Variants in AFP observed in about 807,000 individuals in gnomAD.
The protein encoded by AFP is alpha fetoprotein, also known as alpha-fetoprotein.
A neutral mutation model predicts 78.9 loss-of-function variants in AFP; 64 were observed. The observed-to-expected ratio is 0.81, with a 90% confidence interval of 0.66 to 1.00. The LOEUF (loss-of-function observed/expected upper bound fraction) is 1.00. AFP is among the 50% of genes least tolerant of loss of function. The pLI is 0.00. For missense variants in AFP, 689 were observed against 703.8 expected (o/e 0.98, Z 0.24); for synonymous variants, 254 against 243.8 (o/e 1.04, Z -0.39).
chr4:73,437,265 A>C, intron 2 of AFP, 54 bp downstream of exon 2: 2 of 1,450,756 alleles, frequency 1.4e-6, no homozygotes, highest in Non-Finnish European at 1.9e-6. Context: ...GGATAAGTAA[A>C]TACTTAAATA....
intron 6 of AFP, 38 bp downstream of exon 6, chr4:73,443,482 T>G: frequency 6.8e-7 from 1 of 1,466,184 alleles, no homozygotes; most frequent in Non-Finnish European, 9.6e-7. Context: ...GGGTGAGAGC[T>G]ACAGAACTAC....
Position 73,447,550 on chromosome 4 carries a change from G to A in AFP, c.932G>A (p.Gly311Asp). ...TGCAAACTGACCACGCTGGAACGTG[G>A]TCAATGTATAATTCATGCAGAAAAT... ...ECCKLTTLER[G>D]QCIIHAENDE... The change falls in exon 8 of 15, where the codon GGT (glycine) becomes GAT (aspartate). Residue 311 changes from glycine (G) to aspartate (D), a missense_variant. Physicochemically the swap from Gly to Asp is moderately conservative, Grantham distance 94. Transcript: ENST00000395792. The A allele has an allele frequency of 1.2e-6, 2 of 1,612,850 alleles. No individual in the cohort carries two copies. The highest frequency in any genetic ancestry group is 8.5e-7 in the Non-Finnish European group (1 of 1,179,654).
chr4:73,447,955 G>A (rs949490867), intron 8 of AFP, among the ~76,000 whole-genome samples: 3 of 152,164 alleles, frequency 2.0e-5, no homozygotes, highest in East Asian at 3.9e-4. Flanking sequence ...GGAATCAGAA[G>A]CATTGTCATC....
chr4:73,436,360 G>T lies in AFP; in HGVS notation c.85+13G>T. 6.7e-7 allele frequency: 1 copy of T among 1,488,310 alleles called. No individual in the cohort carries two copies. The highest frequency in any genetic ancestry group is 2.3e-5 in the East Asian group (1 of 42,696). The allele number at this position is 1,488,310 out of a possible 1,614,324, so 92.2% of individuals were successfully genotyped here. ...GAATATGGAATAGGTGAGATATTTT[G>T]TGTTTTTCTTGTCTTTTCTCTATAT... On this transcript the variant is annotated intron_variant, in intron 1 of 14. Coordinates refer to ENST00000395792, the MANE Select transcript of AFP (RefSeq NM_001134.3).
At position 73,443,375 on chromosome 4, in the gene AFP, A is replaced by G; in HGVS notation, c.644A>G (p.Glu215Gly). Residue 215 changes from glutamate to glycine, a missense_variant, in exon 6 of 15, where the codon GAA becomes GGA. Transcript: ENST00000395792. ...GCAACAGTTACAAAAGAATTAAGAG[A>G]AAGCAGCTTGTTAAATCAACATGCA... is the stretch of plus-strand genomic sequence containing the variant. Reference protein sequence around the residue: ...KAATVTKELRESSLLNQHACA... With the variant: ...KAATVTKELRGSSLLNQHACA... 6.2e-7 allele frequency: 1 copy of G among 1,613,816 alleles called. No homozygotes were observed. Among genetic ancestry groups the G allele is most frequent in the Non-Finnish European group, 8.5e-7 (1 of 1,179,742 alleles).
At chr4:73,449,541 G>T in intron 9 of AFP, 74 bp downstream of exon 9, 1 of 1,562,174 alleles carries the variant, frequency 6.4e-7, no homozygotes. Flanking sequence ...CTGTTTGTTT[G>T]AAAGCCTCTA....
intron 4 of AFP, among the ~76,000 whole-genome samples, chr4:73,441,894 A>G (rs545736469): frequency 3.6e-4 from 55 of 152,340 alleles, no homozygotes; most frequent in Non-Finnish European, 5.3e-4. Flanking sequence ...ATCCAGGTGC[A>G]TAACCCCATT....
In AFP at chr4:73,440,800, A is replaced by T; in HGVS notation, c.469A>T (p.Thr157Ser). 1 of 1,613,652 alleles carries T rather than the reference A, an allele frequency of 6.2e-7. No individual in the cohort carries two copies. Among genetic ancestry groups the T allele is most frequent in the Non-Finnish European group, 8.5e-7 (1 of 1,179,712 alleles). ...TGAAGCATATGAAGAAGACAGGGAG[A>T]CATTCATGAACAAGTAAGGATCCAG... ...SCEAYEEDRE[T>S]FMNKFIYEIA... The change falls in exon 4 of 15, where the codon ACA (threonine) becomes TCA (serine). Residue 157 changes from threonine (T) to serine (S), a missense_variant. Physicochemically the swap from Thr to Ser is moderately conservative, Grantham distance 58. Transcript: ENST00000395792.
At chr4:73,449,601 C>A in intron 9 of AFP, 134 bp downstream of exon 9, 1 of 1,050,728 alleles carries the variant, frequency 9.5e-7, no homozygotes, top group Admixed American at 2.0e-5. Context: ...AGATATTAAG[C>A]TGTTATTAAC....
Position 73,456,049 on chromosome 4 carries a change from A to G in AFP, c.*429A>G, listed in dbSNP as rs778356247. On this transcript the variant is annotated 3_prime_UTR_variant, in exon 15 of 15. Transcript: ENST00000395792. ...CAGATAATCTGGAGATGAGAAAAGAAATTATTATTCTTCTATGGGATCTAA... is the reference window on the plus strand; with the variant it reads ...CAGATAATCTGGAGATGAGAAAAGAGATTATTATTCTTCTATGGGATCTAA... 9 of 166,890 alleles carry G rather than the reference A, an allele frequency of 5.4e-5. No homozygotes were observed. Among genetic ancestry groups the G allele is most frequent in the Non-Finnish European group, 8.9e-5 (7 of 78,304 alleles). 10.3% of individuals were successfully genotyped at this position (166,890 alleles called of 1,614,324 possible). A position where few individuals can be genotyped will look rare whatever the true frequency, so the allele number is the denominator to read the frequency against.
chr4:73,446,003 G>A (rs1389613082), intron 7 of AFP, among the ~76,000 whole-genome samples: 7 of 152,148 alleles, frequency 4.6e-5, no homozygotes, highest in Admixed American at 6.5e-5. Flanking sequence ...CAAATGGCTT[G>A]ATAACCAGCA....
intron 11 of AFP, 132 bp downstream of exon 11, chr4:73,450,885 A>G: frequency 6.9e-7 from 1 of 1,459,050 alleles, no homozygotes; most frequent in Admixed American, 1.7e-5. Flanking sequence ...TTGATTAGTC[A>G]CGGTTGGAGG....
At position 73,452,702 on chromosome 4, in the gene AFP, A is replaced by G. The variant is rs192550648; in HGVS notation, c.1652+78A>G. 60 of 1,154,016 alleles carry G rather than the reference A, an allele frequency of 5.2e-5. No homozygotes were observed. In the African/African-American group the frequency reaches 7.6e-4, roughly 15 times the overall value. 71.5% of individuals were successfully genotyped at this position (1,154,016 alleles called of 1,614,324 possible). ...ACTGAGACTTCTACCTCGCTCACCT[A>G]ACACTATTGGGCTCACTAACAGAGC... is the stretch of plus-strand genomic sequence containing the variant. On this transcript the variant is annotated intron_variant, in intron 12 of 14. Coordinates refer to ENST00000395792, the MANE Select transcript of AFP (RefSeq NM_001134.3).
intron 4 of AFP, among the ~76,000 whole-genome samples, chr4:73,441,794 C>G (rs1719675426): frequency 6.6e-6 from 1 of 152,144 alleles, no homozygotes; most frequent in Non-Finnish European, 1.5e-5. Context: ...GAAGCCTGTA[C>G]GTAACTCTTC....
chr4:73,453,670 G>T (rs767848583), intron 12 of AFP, 95 bp from the exon 13 acceptor site: 11 of 1,433,292 alleles, frequency 7.7e-6, no homozygotes, highest in Non-Finnish European at 1.1e-5. Flanking sequence ...ATGGAGTAAG[G>T]GTTTAGGCTC....
Position 73,443,508 on chromosome 4 carries a change from G to C in AFP, c.713+64G>C, listed in dbSNP as rs539637999. 4 of 1,342,536 alleles carry C rather than the reference G, an allele frequency of 3.0e-6. No individual in the cohort carries two copies. In the South Asian group the frequency reaches 4.7e-5, roughly 16 times the overall value. The allele number at this position is 1,342,536 out of a possible 1,614,324, so 83.2% of individuals were successfully genotyped here. On this transcript the variant is annotated intron_variant, in intron 6 of 14. Transcript: ENST00000395792. Reference sequence around the variant, plus strand: ...ACAGAACTACCATTTTGCAATTTGGGTTCGTTTTTTTAATTGTTGCTGTTT... The same window carrying C: ...ACAGAACTACCATTTTGCAATTTGGCTTCGTTTTTTTAATTGTTGCTGTTT...
chr4:73,450,887 G>A lies in AFP; in HGVS notation c.1428+134G>A, dbSNP rs1719973198. 6.3e-6 allele frequency: 9 copies of A among 1,429,458 alleles called. No individual in the cohort carries two copies. The Admixed American group carries it at 7.0e-5, about 11-fold the overall frequency. 88.5% of individuals were successfully genotyped at this position (1,429,458 alleles called of 1,614,324 possible). A position where few individuals can be genotyped will look rare whatever the true frequency, so the allele number is the denominator to read the frequency against. ...TTAGGAGGCTTGTTTGATTAGTCAC[G>A]GTTGGAGGGGTGTGAGAACCCAGCT... On this transcript the variant is annotated intron_variant, in intron 11 of 14. Coordinates refer to ENST00000395792, the MANE Select transcript of AFP (RefSeq NM_001134.3).
chr4:73,453,644 G>T, intron 12 of AFP, 121 bp from the exon 13 acceptor site: 2 of 1,150,046 alleles, frequency 1.7e-6, no homozygotes, highest in Non-Finnish European at 2.5e-6. Flanking sequence ...TGTGTGGTCA[G>T]TCTGGTGATA....
At position 73,455,284 on chromosome 4, in the gene AFP, A is replaced by G; in HGVS notation, c.*4A>G. The G allele has an allele frequency of 6.2e-7, 1 of 1,611,224 alleles. No homozygotes were observed. Among genetic ancestry groups the G allele is most frequent in the Non-Finnish European group, 8.5e-7 (1 of 1,177,720 alleles). On this transcript the variant is annotated 3_prime_UTR_variant, in exon 14 of 15. Transcript: ENST00000395792. ...TCGTGCTGCTTTGGGAGTTTAAATT[A>G]CTTCAGGTAACAAAACATTCAGACA...
Sources: gnomAD v4.1 joint callset for allele counts (sites outside exome capture counted in the v4.1 genomes callset) on GRCh38, gnomAD v4.1.1 for gene constraint, MANE v1.5 for transcripts, NCBI Gene and HGNC (gene_info 2026-07-23, HGNC 2026-07-21) for gene names.